Variants in SYNPO2 observed in about 807,000 individuals in gnomAD.
SYNPO2 encodes the protein synaptopodin 2, also known as synaptopodin-2.
Under a neutral mutation model 85.0 loss-of-function variants are expected in SYNPO2, and 56 were observed. That is an observed-to-expected ratio of 0.66 (90% confidence interval 0.53 to 0.82). SYNPO2 has a LOEUF of 0.82. Among genes scored for constraint, SYNPO2 ranks in the 40% least tolerant of loss-of-function variants. The pLI is 0.00. For missense variants in SYNPO2, 1,575 were observed against 1,534.2 expected, an observed-to-expected ratio of 1.03 and a Z score of -0.44; for synonymous variants, 602 against 591.1, an observed-to-expected ratio of 1.02 and a Z score of -0.27.
At chr4:118,973,194 GTTAA>G (rs1373647562) in intron 1 of SYNPO2, among the ~76,000 whole-genome samples, 2 of 152,202 alleles carry the variant, frequency 1.3e-5, no homozygotes, top group African/African-American at 4.8e-5. Flanking sequence ...TGTGAATTCT[GTTAA>G]TTATTATATG....
chr4:118,992,484 T>C (rs72671651), intron 1 of SYNPO2, among the ~76,000 whole-genome samples: 52,466 of 152,012 alleles, frequency 0.35, 9,144 homozygotes, highest in Admixed American at 0.4. Flanking sequence ...GTGCCATCAC[T>C]TGTCAGGTAG....
intron 4 of SYNPO2, chr4:119,033,128 A>G (rs1306409458): frequency 2.0e-6 from 2 of 985,322 alleles, no homozygotes; most frequent in African/African-American, 3.5e-5. Context: ...TGGGACCTGA[A>G]GGTTTACTGA....
At chr4:118,929,049 G>A (rs1252894080) in intron 1 of SYNPO2, among the ~76,000 whole-genome samples, 2 of 151,442 alleles carry the variant, frequency 1.3e-5, no homozygotes, top group East Asian at 1.9e-4. Flanking sequence ...CCAGCATTTA[G>A]GAAAGTACCT....
intron 1 of SYNPO2, among the ~76,000 whole-genome samples, chr4:118,891,070 G>C (rs10010674): frequency 0.13 from 19,421 of 152,008 alleles, 1,373 homozygotes; most frequent in East Asian, 0.21. Flanking sequence ...TGCTAGGAAA[G>C]GGTGCTGTGG....
At chr4:118,968,490 A>G (rs1022297046) in intron 1 of SYNPO2, among the ~76,000 whole-genome samples, 2 of 152,174 alleles carry the variant, frequency 1.3e-5, no homozygotes, top group South Asian at 4.1e-4. Flanking sequence ...TGAGTGACAG[A>G]TTTTCTAAAT....
rs140183035 is a variant in SYNPO2, at chr4:118,889,012, C to A, written c.-25C>A. ...GCTTCGTCTGTCTCGTCAAGCTCTTCATGCTGCCCAACTAAAAGGAAAACA... is the reference window on the plus strand; with the variant it reads ...GCTTCGTCTGTCTCGTCAAGCTCTTAATGCTGCCCAACTAAAAGGAAAACA... On this transcript the variant is annotated 5_prime_UTR_variant, in exon 1 of 5. Transcript: ENST00000307142. 8.3e-4 allele frequency: 1,330 copies of A among 1,612,022 alleles called. 21 individuals carry two copies. In the East Asian group the frequency reaches 0.026, roughly 31 times the overall value.
intron 4 of SYNPO2, among the ~76,000 whole-genome samples, chr4:119,055,385 T>C (rs1014950035): frequency 6.6e-6 from 1 of 152,106 alleles, no homozygotes; most frequent in Admixed American, 6.5e-5. Context: ...GAACTCCTGA[T>C]CTCAAGTGAT....
intron 1 of SYNPO2, among the ~76,000 whole-genome samples, chr4:118,982,901 G>A (rs1736084956): frequency 1.3e-5 from 2 of 152,160 alleles, no homozygotes; most frequent in Non-Finnish European, 2.9e-5. Context: ...TTTTGAGACT[G>A]TGGTTGTGGG....
chr4:118,901,662 T>C (rs1303659386), intron 1 of SYNPO2, among the ~76,000 whole-genome samples: 1 of 152,194 alleles, frequency 6.6e-6, no homozygotes. Context: ...GATAATTATA[T>C]GGAAATTCAC....
chr4:118,951,029 AGGAGGCAGAT>A (rs1269857467), intron 1 of SYNPO2, among the ~76,000 whole-genome samples: 5 of 152,180 alleles, frequency 3.3e-5, no homozygotes, highest in African/African-American at 2.4e-5. Flanking sequence ...ACTTGTTGGG[AGGAGGCAGAT>A]GGAGGCAGGA....
At chr4:118,876,670 T>TC (rs1731920292) in intron 1 of SYNPO2, among the ~76,000 whole-genome samples, 1 of 1,706 alleles carries the variant, frequency 5.9e-4, no homozygotes, top group East Asian at 7.9e-3. Context: ...TTCCTTTCTC[T>TC]TTCTTTCTTT....
intron 1 of SYNPO2, among the ~76,000 whole-genome samples, chr4:118,852,524 GA>G (rs1156823271): frequency 6.6e-6 from 1 of 152,174 alleles, no homozygotes; most frequent in Non-Finnish European, 1.5e-5. Flanking sequence ...ATACACCATG[GA>G]ATACTATTGC....
chr4:118,925,098 C>T (rs1375940304), intron 1 of SYNPO2, among the ~76,000 whole-genome samples: 2 of 152,130 alleles, frequency 1.3e-5, no homozygotes, highest in African/African-American at 4.8e-5. Context: ...AGATGTAGCA[C>T]TTTGCTAGAA....
At chr4:119,005,866 T>A (rs1737013865) in intron 1 of SYNPO2, among the ~76,000 whole-genome samples, 1 of 152,212 alleles carries the variant, frequency 6.6e-6, no homozygotes, top group Non-Finnish European at 1.5e-5. Flanking sequence ...TGAAGGAGCA[T>A]TAACACTAAG....
At chr4:119,051,186 A>AT (rs369864760) in intron 4 of SYNPO2, among the ~76,000 whole-genome samples, 9,015 of 100,692 alleles carry the variant, frequency 0.09, 461 homozygotes, top group Middle Eastern at 0.14. Context: ...ATGGGAAGCA[A>AT]TTTTTTTTTT....
chr4:118,908,835 C>A (rs4834717), intron 1 of SYNPO2, among the ~76,000 whole-genome samples: 125,189 of 152,204 alleles, frequency 0.82, 51,731 homozygotes, highest in Middle Eastern at 0.93. Context: ...TGTTCTAATT[C>A]ACAAAAGTAC....
At chr4:118,888,275 C>T (rs11725297), upstream of SYNPO2, among the ~76,000 whole-genome samples, 24,124 of 152,206 alleles carry the variant, frequency 0.16, 2,203 homozygotes, top group Non-Finnish European at 0.21. Flanking sequence ...CTCTCTTTCT[C>T]TCTCCCTTTC....
intron 1 of SYNPO2, among the ~76,000 whole-genome samples, chr4:118,853,104 A>T (rs2110560639): frequency 6.6e-6 from 1 of 152,318 alleles, no homozygotes; most frequent in African/African-American, 2.4e-5. Flanking sequence ...ATGTAAGAGG[A>T]TCACTTCGTT....
Position 119,058,926 on chromosome 4 carries a change from T to A in SYNPO2, c.*992T>A, listed in dbSNP as rs982295464. On this transcript the variant is annotated 3_prime_UTR_variant, in exon 5 of 5. Coordinates refer to ENST00000307142, the MANE Select transcript of SYNPO2 (RefSeq NM_133477.3). ...GAGGAATGATGTGATGTGTAGAGAA[T>A]AGAAAGATTTAGATATATGCCTGTG... 2.6e-5 allele frequency: 4 copies of A among 152,288 alleles called. No homozygotes were observed. Among genetic ancestry groups the A allele is most frequent in the African/African-American group, 9.6e-5 (4 of 41,554 alleles). 9.4% of individuals were successfully genotyped at this position (152,288 alleles called of 1,614,324 possible).
Sources: gnomAD v4.1 joint callset for allele counts (sites outside exome capture counted in the v4.1 genomes callset) on GRCh38, gnomAD v4.1.1 for gene constraint, MANE v1.5 for transcripts, NCBI Gene and HGNC (gene_info 2026-07-23, HGNC 2026-07-21) for gene names.